Variants in RAB3GAP1 observed in about 807,000 individuals in gnomAD.
The protein encoded by RAB3GAP1 is RAB3 GTPase activating protein catalytic subunit 1.
RAB3GAP1 carries 86 observed loss-of-function variants against 130.7 expected under a neutral mutation model. The observed-to-expected ratio is 0.66, with a 90% CI of 0.55 to 0.79. RAB3GAP1 has a LOEUF of 0.79. Among genes scored for constraint, RAB3GAP1 ranks in the 30% least tolerant of loss-of-function variants. The pLI is 0.00. For synonymous variants in RAB3GAP1, 367 were observed against 401.7 expected (o/e 0.91, Z 1.03); for missense variants, 1,029 against 1,169.4 (o/e 0.88, Z 1.75).
chr2:135,117,612 T>G (rs1482187242), intron 7 of RAB3GAP1, among the ~76,000 whole-genome samples: 119 of 141,748 alleles, frequency 8.4e-4, no homozygotes, highest in African/African-American at 2.2e-3. Context: ...TTCTGCTTCT[T>G]CTGCTTCTGC....
downstream of RAB3GAP1, among the ~76,000 whole-genome samples, chr2:135,170,919 T>G (rs1428382760): frequency 1.3e-5 from 2 of 152,062 alleles, no homozygotes; most frequent in Non-Finnish European, 2.9e-5. Flanking sequence ...TTTCTCCACC[T>G]CTTCAATCTG....
Position 135,126,612 on chromosome 2 carries a change from G to A in RAB3GAP1, c.929G>A (p.Trp310Ter), listed in dbSNP as rs1691356166. ...TTGGATCCTATTCAAGCTCCACATTGGTCTGTTAGAGTTCGAAAAGCTGAG... is the reference window on the plus strand; with the variant it reads ...TTGGATCCTATTCAAGCTCCACATTAGTCTGTTAGAGTTCGAAAAGCTGAG... The part of the protein sequence containing the change: ...SDLDPIQAPH[W>*]SVRVRKAENP... The change falls in exon 11 of 24, where the codon TGG becomes TAG. Residue 310 changes from tryptophan to a stop codon, truncating the protein, a stop_gained. Transcript: ENST00000264158. LOFTEE classifies it high-confidence loss of function. The A allele has an allele frequency of 6.2e-7, 1 of 1,613,206 alleles. No homozygotes were observed. The highest frequency in any genetic ancestry group is 8.5e-7 in the Non-Finnish European group (1 of 1,179,278).
intron 6 of RAB3GAP1, 61 bp from the exon 7 acceptor site, chr2:135,115,155 G>A (rs1690930420): frequency 6.8e-7 from 1 of 1,472,260 alleles, no homozygotes; most frequent in African/African-American, 1.4e-5. Context: ...GAAAAAATTT[G>A]AGGTTCAGGT....
At chr2:135,126,277 T>C (rs773984265) in intron 10 of RAB3GAP1, 28 bp downstream of exon 10, 3 of 1,551,940 alleles carry the variant, frequency 1.9e-6, no homozygotes, top group Non-Finnish European at 2.7e-6. Context: ...AGTAGTACAC[T>C]GAGATTAAAA....
chr2:135,129,107 G>A (rs574736757), intron 11 of RAB3GAP1, among the ~76,000 whole-genome samples: 5 of 152,250 alleles, frequency 3.3e-5, no homozygotes, highest in African/African-American at 9.6e-5. Flanking sequence ...AGCCATGATC[G>A]TGCCACTGCA....
At chr2:135,078,482 T>A (rs1342080923) in intron 3 of RAB3GAP1, among the ~76,000 whole-genome samples, 6 of 152,164 alleles carry the variant, frequency 3.9e-5, no homozygotes, top group Non-Finnish European at 8.8e-5. Context: ...TTCCCTTTAT[T>A]ATGTACTGAG....
At chr2:135,108,967 T>G (rs1690711359) in intron 5 of RAB3GAP1, among the ~76,000 whole-genome samples, 1 of 152,194 alleles carries the variant, frequency 6.6e-6, no homozygotes, top group African/African-American at 2.4e-5. Flanking sequence ...TCTGTTCCTT[T>G]TCAGAGATTA....
chr2:135,120,736 C>T, intron 7 of RAB3GAP1, 83 bp from the exon 8 acceptor site: 1 of 998,322 alleles, frequency 1.0e-6, no homozygotes, highest in Non-Finnish European at 1.6e-6. Flanking sequence ...TAATCCATTC[C>T]ATAAGTTTGA....
downstream of RAB3GAP1, among the ~76,000 whole-genome samples, chr2:135,174,810 A>G (rs142756362): frequency 2.8e-3 from 428 of 152,340 alleles, 1 homozygote; most frequent in African/African-American, 9.6e-3. Flanking sequence ...CTGGGACTGA[A>G]GTCACAACAT....
rs1243670548 is a variant in RAB3GAP1, at chr2:135,091,054, C to G, written c.207C>G (p.Asp69Glu). Residue 69 changes from aspartate (D) to glutamate (E), a missense_variant, in exon 4 of 24, where the codon GAC (aspartate) becomes GAG (glutamate). Around this residue, in one of 3 missense-constraint regions of RAB3GAP1, gnomAD observed 510 missense variants for 532.1 expected, o/e 0.96. Coordinates refer to ENST00000264158, the MANE Select transcript of RAB3GAP1 (RefSeq NM_012233.3). ...EEKSDEISFADFKFSVTHHYL... is the reference protein window; with the variant it reads ...EEKSDEISFAEFKFSVTHHYL... ...AATCAGATGAAATTTCCTTTGCTGA[C>G]TTCAAGTTCTCAGTCACTCATCATT... 4 of 1,609,848 alleles carry G rather than the reference C, an allele frequency of 2.5e-6. No homozygotes were observed. In the South Asian group the frequency reaches 4.4e-5, roughly 18 times the overall value.
chr2:135,057,679 A>G (rs1689051752), intron 2 of RAB3GAP1, among the ~76,000 whole-genome samples: 1 of 152,180 alleles, frequency 6.6e-6, no homozygotes, highest in Admixed American at 6.5e-5. Context: ...CTTTAATAGT[A>G]TCATTTTAGT....
At chr2:135,125,854 TG>T (rs1200958723) in intron 9 of RAB3GAP1, among the ~76,000 whole-genome samples, 1 of 152,224 alleles carries the variant, frequency 6.6e-6, no homozygotes, top group Non-Finnish European at 1.5e-5. Context: ...AAAGTGAAGC[TG>T]TGGATAAGGA....
chr2:135,130,628 A>G lies in RAB3GAP1; in HGVS notation c.1143A>G (p.Ser381=), dbSNP rs145134603. The change falls in exon 13 of 24, where the codon TCA becomes TCG. Residue 381 remains serine, a synonymous_variant. Coordinates refer to ENST00000264158, the MANE Select transcript of RAB3GAP1 (RefSeq NM_012233.3). ...TTCCAATTCATAAATTATCAGTTTC[A>G]AATATGGTACACACTGCAAAGAAGA... ...ASVPIHKLSV[S]NMVHTAKKKI... is the part of the protein sequence containing the mutation. The G allele has an allele frequency of 5.7e-5, 92 of 1,613,698 alleles. No individual in the cohort carries two copies. The highest frequency in any genetic ancestry group is 7.2e-5 in the Non-Finnish European group (85 of 1,179,772).
Position 135,169,661 on chromosome 2 carries a change from T to A in RAB3GAP1, c.*880T>A. On this transcript the variant is annotated 3_prime_UTR_variant, in exon 24 of 24. Coordinates refer to ENST00000264158, the MANE Select transcript of RAB3GAP1 (RefSeq NM_012233.3). Reference sequence around the variant, plus strand: ...TACCTAGAGACTGTCATGCAGATAGTATAATTTGGTATATGTGCTAATGCA... The same window carrying A: ...TACCTAGAGACTGTCATGCAGATAGAATAATTTGGTATATGTGCTAATGCA... The A allele has an allele frequency of 2.2e-6, 1 of 447,158 alleles. No individual in the cohort carries two copies. The highest frequency in any genetic ancestry group is 1.6e-5 in the South Asian group (1 of 63,164). 27.7% of individuals were successfully genotyped at this position (447,158 alleles called of 1,614,324 possible). A position where few individuals can be genotyped will look rare whatever the true frequency, so the allele number is the denominator to read the frequency against.
chr2:135,066,608 T>G (rs1689330048), intron 3 of RAB3GAP1, among the ~76,000 whole-genome samples: 1 of 152,182 alleles, frequency 6.6e-6, no homozygotes, highest in Non-Finnish European at 1.5e-5. Flanking sequence ...TTTCAGAAAT[T>G]TAAGTGTGTG....
At chr2:135,054,558 T>A (rs1688960272) in intron 2 of RAB3GAP1, among the ~76,000 whole-genome samples, 1 of 152,194 alleles carries the variant, frequency 6.6e-6, no homozygotes, top group South Asian at 2.1e-4. Flanking sequence ...TTTTTGCCTG[T>A]AAGAATGAAT....
In RAB3GAP1 at chr2:135,117,662, T is replaced by C. The variant is rs369756324; in HGVS notation, c.648+2281T>C. On this transcript the variant is annotated intron_variant, in intron 7 of 23. Coordinates refer to ENST00000264158, the MANE Select transcript of RAB3GAP1 (RefSeq NM_012233.3). ...CTTCTTCTTCTGCTTCTGCTTCTTC[T>C]GCTTCTGCTTCTTCTGCTTCTGCTT... Among the ~76,000 whole-genome samples the C allele has an allele frequency of 1.4e-4, 20 of 144,560 alleles. No individual in the cohort carries two copies. In the East Asian group the frequency reaches 2.4e-3, roughly 18 times the overall value. The allele number at this position is 144,560 out of a possible 152,430, so 94.8% of individuals were successfully genotyped here. A position where few individuals can be genotyped will look rare whatever the true frequency, so the allele number is the denominator to read the frequency against.
chr2:135,153,550 A>G, intron 18 of RAB3GAP1, 99 bp from the exon 19 acceptor site: 1 of 1,113,308 alleles, frequency 9.0e-7, no homozygotes, highest in Non-Finnish European at 1.4e-6. Context: ...GATTGTAAAG[A>G]TTAGATAGGC....
chr2:135,072,457 TG>T (rs1689502780), intron 3 of RAB3GAP1, among the ~76,000 whole-genome samples: 1 of 152,222 alleles, frequency 6.6e-6, no homozygotes, highest in African/African-American at 2.4e-5. Flanking sequence ...TTGTCCTTAT[TG>T]GAAGCCCATT....
Sources: allele counts gnomAD v4.1 joint callset (sites outside exome capture counted in the v4.1 genomes callset), GRCh38; gene constraint gnomAD v4.1.1; regional missense constraint gnomAD v4.1.1; transcripts MANE v1.5; gene names NCBI Gene and HGNC (gene_info 2026-07-23, HGNC 2026-07-21).